SNTG1: variants seen among roughly 807,000 people sequenced by gnomAD.
SNTG1 encodes the protein gamma-1-syntrophin.
A neutral mutation model predicts 74.7 loss-of-function variants in SNTG1; 39 were observed. That is an observed-to-expected ratio of 0.52 (90% CI 0.40 to 0.68). The LOEUF is 0.68. Among genes scored for constraint, SNTG1 ranks in the 30% least tolerant of loss-of-function variants. The pLI is 0.00. For synonymous variants in SNTG1, 254 were observed against 217.1 expected (o/e 1.17, Z -1.49); for missense variants, 685 against 609.5 (o/e 1.12, Z -1.30).
chr8:50,100,573 T>C (rs1327751785), intron 1 of SNTG1, among the ~76,000 whole-genome samples: 1 of 152,076 alleles, frequency 6.6e-6, no homozygotes, highest in Non-Finnish European at 1.5e-5. Flanking sequence ...AAAAAGGACA[T>C]ATTCCTTCAA....
At chr8:49,959,715 G>A (rs1035292897) in intron 1 of SNTG1, among the ~76,000 whole-genome samples, 1 of 152,116 alleles carries the variant, frequency 6.6e-6, no homozygotes, top group African/African-American at 2.4e-5. Flanking sequence ...TATTTCACCT[G>A]TTTCTACTTT....
chr8:50,165,264 T>A (rs1202132741), intron 1 of SNTG1, among the ~76,000 whole-genome samples: 2 of 152,226 alleles, frequency 1.3e-5, no homozygotes, highest in African/African-American at 4.8e-5. Flanking sequence ...CCATTCACCT[T>A]GCTCCAGCAA....
chr8:50,047,914 G>T (rs1287904661), intron 1 of SNTG1, among the ~76,000 whole-genome samples: 1 of 152,070 alleles, frequency 6.6e-6, no homozygotes, highest in Non-Finnish European at 1.5e-5. Flanking sequence ...TAAGACTTAA[G>T]GATCAAAATT....
chr8:50,519,259 T>C (rs2094159465), intron 9 of SNTG1, among the ~76,000 whole-genome samples: 1 of 152,094 alleles, frequency 6.6e-6, no homozygotes, highest in South Asian at 2.1e-4. Context: ...CAACACCCTT[T>C]TATGCAAAAA....
chr8:50,388,907 T>G (rs770782887), intron 2 of SNTG1, among the ~76,000 whole-genome samples: 4 of 152,162 alleles, frequency 2.6e-5, no homozygotes, highest in African/African-American at 4.8e-5. Context: ...AAGCACTTAT[T>G]TGACGCAGGA....
At chr8:50,253,957 A>G (rs1047168977) in intron 2 of SNTG1, among the ~76,000 whole-genome samples, 1 of 152,134 alleles carries the variant, frequency 6.6e-6, no homozygotes, top group Admixed American at 6.6e-5. Context: ...GATAATTACA[A>G]GGAATAGGTT....
chr8:50,614,609 T>C (rs530706502), intron 13 of SNTG1, among the ~76,000 whole-genome samples: 1 of 152,160 alleles, frequency 6.6e-6, no homozygotes, highest in Non-Finnish European at 1.5e-5. Context: ...AAATTTGCAT[T>C]TTAATTATAC....
chr8:50,499,059 G>A (rs1160614257), intron 8 of SNTG1, among the ~76,000 whole-genome samples: 1 of 151,556 alleles, frequency 6.6e-6, no homozygotes, highest in Non-Finnish European at 1.5e-5. Flanking sequence ...TGGTTTAATA[G>A]CTTTGCTTTG....
Position 50,230,277 on chromosome 8 carries a change from TG to T in SNTG1, c.-28+57644del, listed in dbSNP as rs1334105027. 4.0e-5 allele frequency among the ~76,000 whole-genome samples: 6 copies of T among 150,268 alleles called. No individual in the cohort carries two copies. The South Asian group carries it at 6.3e-4, about 16-fold the overall frequency. ...ATCAATGAAACAAAAATCTGTTTCT[TG>T]GAAAAGATTAATGAAACTGACAAAT... On this transcript the variant is annotated intron_variant, in intron 2 of 18. Coordinates refer to ENST00000642720, the MANE Select transcript of SNTG1 (RefSeq NM_018967.5).
intron 11 of SNTG1, among the ~76,000 whole-genome samples, chr8:50,539,568 A>G (rs2094331698): frequency 6.6e-6 from 1 of 152,166 alleles, no homozygotes; most frequent in Non-Finnish European, 1.5e-5. Context: ...TGCGGTGATG[A>G]TGGTGGGAGA....
At chr8:50,504,124 G>A (rs1230106952) in intron 9 of SNTG1, among the ~76,000 whole-genome samples, 1 of 152,100 alleles carries the variant, frequency 6.6e-6, no homozygotes, top group East Asian at 1.9e-4. Flanking sequence ...AGTTTGCTAG[G>A]GATAATGGCC....
At chr8:49,941,269 G>A (rs1459871272) in intron 1 of SNTG1, among the ~76,000 whole-genome samples, 1 of 151,986 alleles carries the variant, frequency 6.6e-6, no homozygotes, top group Admixed American at 6.6e-5. Context: ...CATTGCTGAA[G>A]AGGTTGAACA....
chr8:50,498,008 T>A (rs1171734357), intron 8 of SNTG1, among the ~76,000 whole-genome samples: 1 of 151,982 alleles, frequency 6.6e-6, no homozygotes, highest in African/African-American at 2.4e-5. Flanking sequence ...GTCTACCCAT[T>A]TACTTTTTGA....
At chr8:49,975,917 TTGG>T (rs1228352430) in intron 1 of SNTG1, among the ~76,000 whole-genome samples, 2 of 152,138 alleles carry the variant, frequency 1.3e-5, no homozygotes, top group Admixed American at 1.3e-4. Context: ...TATTTTCATG[TTGG>T]TGGTGAATTA....
intron 2 of SNTG1, among the ~76,000 whole-genome samples, chr8:50,207,704 G>T (rs1348713406): frequency 6.6e-6 from 1 of 152,138 alleles, no homozygotes; most frequent in Non-Finnish European, 1.5e-5. Context: ...TGGGCATTTA[G>T]TGCTATACAT....
intron 13 of SNTG1, among the ~76,000 whole-genome samples, chr8:50,617,817 T>G (rs1359334330): frequency 6.6e-6 from 1 of 152,222 alleles, no homozygotes; most frequent in Admixed American, 6.5e-5. Flanking sequence ...ATACAATGTC[T>G]GTAATTTATA....
At chr8:50,104,993 A>G (rs749613578) in intron 1 of SNTG1, among the ~76,000 whole-genome samples, 2 of 151,870 alleles carry the variant, frequency 1.3e-5, no homozygotes, top group East Asian at 1.9e-4. Context: ...TAGGTTGTCT[A>G]TTTACTCTGT....
intron 2 of SNTG1, among the ~76,000 whole-genome samples, chr8:50,197,868 T>C (rs2083838314): frequency 6.6e-6 from 1 of 152,158 alleles, no homozygotes; most frequent in Non-Finnish European, 1.5e-5. Flanking sequence ...ATATTTATTA[T>C]ATTTTCTTTT....
At chr8:50,001,715 C>T (rs892412058) in intron 1 of SNTG1, among the ~76,000 whole-genome samples, 3 of 152,184 alleles carry the variant, frequency 2.0e-5, no homozygotes, top group African/African-American at 7.2e-5. Flanking sequence ...AATAACTTCC[C>T]TCTGAGAATC....
Sources: allele counts gnomAD v4.1 joint callset (sites outside exome capture counted in the v4.1 genomes callset), GRCh38; gene constraint gnomAD v4.1.1; transcripts MANE v1.5; gene names NCBI Gene and HGNC (gene_info 2026-07-23, HGNC 2026-07-21).